Variants in DNAH5 observed in about 807,000 individuals in gnomAD.
The protein encoded by DNAH5 is dynein axonemal heavy chain 5, also known as axonemal beta dynein heavy chain 5.
Under a neutral mutation model 518.2 loss-of-function variants are expected in DNAH5, and 372 were observed. That is an observed-to-expected ratio of 0.72 (90% CI 0.66 to 0.78). DNAH5 has a LOEUF of 0.78. DNAH5 is among the 30% of genes least tolerant of loss of function. The pLI is 0.00. For missense variants in DNAH5, 5,523 were observed against 5,687.0 expected (o/e 0.97, Z 0.93); for synonymous variants, 2,039 against 2,025.9 (o/e 1.01, Z -0.17).
In DNAH5 at chr5:13,889,022, G is replaced by A. The variant is rs575922067; in HGVS notation, c.2577+1954C>T. 4.6e-5 allele frequency among the ~76,000 whole-genome samples: 7 copies of A among 152,234 alleles called. No individual in the cohort carries two copies. The South Asian group carries it at 1.2e-3, about 27-fold the overall frequency. On this transcript the variant is annotated intron_variant, in intron 17 of 78. Transcript: ENST00000265104. ...AGCAACATGAAGAATATTTTGTGACGAAATGTTAACTGGGAGAAAAAAGTA... is the reference window on the plus strand; with the variant it reads ...AGCAACATGAAGAATATTTTGTGACAAAATGTTAACTGGGAGAAAAAAGTA...
At position 13,808,579 on chromosome 5, in the gene DNAH5, A is replaced by T. The variant is rs564273805; in HGVS notation, c.7752+465T>A. 2.0e-5 allele frequency among the ~76,000 whole-genome samples: 3 copies of T among 152,320 alleles called. No individual in the cohort carries two copies. The South Asian group carries it at 6.2e-4, about 32-fold the overall frequency. ...ATTAGAACTATTCAACTCATATTTT[A>T]GTGGGGAATAATAAAGGAATAGTAG... On this transcript the variant is annotated intron_variant, in intron 46 of 78. Transcript: ENST00000265104.
chr5:13,949,180 T>C (rs1281828364), upstream of DNAH5, among the ~76,000 whole-genome samples: 1 of 152,220 alleles, frequency 6.6e-6, no homozygotes, highest in Non-Finnish European at 1.5e-5. Flanking sequence ...TTTTGGAGAC[T>C]AGATGACTAA....
intron 76 of DNAH5, among the ~76,000 whole-genome samples, chr5:13,704,325 T>C (rs1286973703): frequency 1.3e-5 from 2 of 150,948 alleles, no homozygotes; most frequent in Non-Finnish European, 2.9e-5. Flanking sequence ...CCACACTCTC[T>C]TGTGCTCCTG....
chr5:13,702,773 AAGC>A (rs1742283282), intron 76 of DNAH5, among the ~76,000 whole-genome samples: 1 of 152,176 alleles, frequency 6.6e-6, no homozygotes, highest in Non-Finnish European at 1.5e-5. Flanking sequence ...AGAAGACAAG[AAGC>A]AGCAGTCCTA....
intron 1 of DNAH5, among the ~76,000 whole-genome samples, chr5:13,976,387 G>A (rs191211192): frequency 3.2e-4 from 48 of 152,184 alleles, no homozygotes; most frequent in Non-Finnish European, 5.4e-4. Context: ...ACTCACACTC[G>A]TGCTGTGTCC....
At chr5:13,720,914 T>C in intron 71 of DNAH5, 86 bp downstream of exon 71, 1 of 1,583,652 alleles carries the variant, frequency 6.3e-7, no homozygotes, top group Non-Finnish European at 8.6e-7. Context: ...TTTAAACTCC[T>C]AATGATTTAT....
rs1351457972 is a variant in DNAH5 at position 13,902,109 on chromosome 5, T to C, written c.1674A>G (p.Thr558=). 4 of 1,610,054 alleles carry C rather than the reference T, an allele frequency of 2.5e-6. No individual in the cohort carries two copies. The highest frequency in any genetic ancestry group is 3.4e-6 in the Non-Finnish European group (4 of 1,177,630). The change falls in exon 13 of 79, where the codon ACA becomes ACG. Residue 558 remains threonine, a synonymous_variant. Coordinates refer to ENST00000265104, the MANE Select transcript of DNAH5 (RefSeq NM_001369.3). ...HNELRKFMDV[T]FAKIQNTNQA... Reference sequence around the variant, plus strand: ...GATTTGTGTTTTGAATCTTTGCAAATGTAACATCCATGAACTTCCGCAACT... The same window carrying C: ...GATTTGTGTTTTGAATCTTTGCAAACGTAACATCCATGAACTTCCGCAACT...
rs1403413226 is a variant in DNAH5 at position 13,776,393 on chromosome 5, T to A, written c.9373+46A>T. ...TCAAGCATCCCTGAAAGAACTAGAA[T>A]CCTTGAACACATGTTATGCCCTGGC... On this transcript the variant is annotated intron_variant, in intron 55 of 78. Coordinates refer to ENST00000265104, the MANE Select transcript of DNAH5 (RefSeq NM_001369.3). 3.1e-6 allele frequency: 5 copies of A among 1,612,576 alleles called. No individual in the cohort carries two copies. In the East Asian group the frequency reaches 1.1e-4, roughly 36 times the overall value.
In DNAH5 at chr5:13,887,391, A is replaced by G. The variant is rs906768016; in HGVS notation, c.2578-1262T>C. Among the ~76,000 whole-genome samples, 9 of 152,216 alleles carry G rather than the reference A, an allele frequency of 5.9e-5. 1 individual carries two copies. The highest frequency in any genetic ancestry group is 2.2e-4 in the African/African-American group (9 of 41,462). ...TAGAAATTAACAAAGCAGAATATAAACGCAATGAGGAAAAAGAAGTAATAA... is the reference window on the plus strand; with the variant it reads ...TAGAAATTAACAAAGCAGAATATAAGCGCAATGAGGAAAAAGAAGTAATAA... On this transcript the variant is annotated intron_variant, in intron 17 of 78. Transcript: ENST00000265104.
intron 1 of DNAH5, among the ~76,000 whole-genome samples, chr5:13,941,415 G>C (rs1386947303): frequency 6.6e-6 from 1 of 152,116 alleles, no homozygotes; most frequent in African/African-American, 2.4e-5. Flanking sequence ...CTAAACCCTA[G>C]ATCCATTCAC....
intron 15 of DNAH5, among the ~76,000 whole-genome samples, chr5:13,896,314 C>A (rs1039674297): frequency 2.0e-5 from 3 of 151,878 alleles, no homozygotes; most frequent in African/African-American, 7.3e-5. Flanking sequence ...CTGATCTCAT[C>A]TCCAACCACT....
intron 61 of DNAH5, among the ~76,000 whole-genome samples, chr5:13,756,254 T>C (rs1197747179): frequency 1.3e-5 from 2 of 152,216 alleles, no homozygotes; most frequent in African/African-American, 2.4e-5. Context: ...CACAAACCCC[T>C]GGACTTTCAT....
At chr5:13,918,759 C>T (rs762567825) in intron 7 of DNAH5, among the ~76,000 whole-genome samples, 4 of 152,198 alleles carry the variant, frequency 2.6e-5, no homozygotes, top group Admixed American at 6.5e-5. Flanking sequence ...TGAGCCACCA[C>T]GCCTGGCCTA....
chr5:13,941,694 C>A (rs1442497940), intron 1 of DNAH5, among the ~76,000 whole-genome samples: 1 of 152,214 alleles, frequency 6.6e-6, no homozygotes, highest in Non-Finnish European at 1.5e-5. Context: ...CTCTCTTCCC[C>A]CACAGCTTCT....
At position 13,752,284 on chromosome 5, in the gene DNAH5, C is replaced by T. The variant is rs188428209; in HGVS notation, c.10878G>A (p.Thr3626=). Residue 3626 remains threonine, a synonymous_variant, in exon 64 of 79, where the codon ACG becomes ACA. Coordinates refer to ENST00000265104, the MANE Select transcript of DNAH5 (RefSeq NM_001369.3). Reference sequence around the variant, plus strand: ...TTCTGAAGTACTTGTGATTTAAAGACGTGATCTAGGAACAGGATCACAAGG... The same window carrying T: ...TTCTGAAGTACTTGTGATTTAAAGATGTGATCTAGGAACAGGATCACAAGG... The part of the protein sequence containing the change: ...NKESRNELQI[T]SLNHKYFRNH... 103 of 1,613,980 alleles carry T rather than the reference C, an allele frequency of 6.4e-5. 2 individuals carry two copies. The South Asian group carries it at 7.6e-4, about 12-fold the overall frequency.
At chr5:13,814,971 T>C in intron 42 of DNAH5, 125 bp from the exon 43 acceptor site, 2 of 977,650 alleles carry the variant, frequency 2.0e-6, no homozygotes, top group Non-Finnish European at 3.0e-6. Context: ...TTAAATATAG[T>C]TTTGCTCCAA....
intron 50 of DNAH5, 80 bp from the exon 51 acceptor site, chr5:13,788,994 T>C: frequency 7.9e-7 from 1 of 1,265,416 alleles, no homozygotes; most frequent in Non-Finnish European, 1.1e-6. Context: ...TACTGTAGAG[T>C]ATTATCCTTC....
chr5:13,866,916 G>A (rs927153627), intron 25 of DNAH5, among the ~76,000 whole-genome samples: 14 of 152,114 alleles, frequency 9.2e-5, no homozygotes, highest in African/African-American at 3.4e-4. Context: ...AGAAGATTCA[G>A]TACTTAAACC....
intron 26 of DNAH5, 99 bp from the exon 27 acceptor site, chr5:13,866,005 T>A (rs1769188992): frequency 1.0e-5 from 10 of 967,724 alleles, no homozygotes; most frequent in Admixed American, 1.8e-5. Context: ...CAGAGATGTA[T>A]GATCTCTGGG....
Sources: gnomAD v4.1 joint callset for allele counts (sites outside exome capture counted in the v4.1 genomes callset) on GRCh38, gnomAD v4.1.1 for gene constraint, MANE v1.5 for transcripts, NCBI Gene and HGNC (gene_info 2026-07-23, HGNC 2026-07-21) for gene names.